PLPP3: variants seen among roughly 807,000 people sequenced by gnomAD.
The protein encoded by PLPP3 is phospholipid phosphatase 3, also known as PAP2 beta.
PLPP3 carries 6 observed loss-of-function variants against 29.6 expected under a neutral mutation model. The observed-to-expected ratio is 0.20, with a 90% CI of 0.11 to 0.40. The LOEUF is 0.40. Ranked by LOEUF, PLPP3 falls within the 10% of genes least tolerant of loss-of-function variation. The pLI is 1.00. For synonymous variants in PLPP3, 152 were observed against 159.7 expected (o/e 0.95, Z 0.36); for missense variants, 308 against 407.7 (o/e 0.76, Z 2.11).
intron 5 of PLPP3, among the ~76,000 whole-genome samples, chr1:56,498,534 C>T (rs1645644562): frequency 6.6e-6 from 1 of 152,112 alleles, no homozygotes; most frequent in Non-Finnish European, 1.5e-5. Flanking sequence ...CTGAGAGGTA[C>T]AGACAACAAT....
In PLPP3 at chr1:56,524,005, T is replaced by C; in HGVS notation, c.576-125A>G. On this transcript the variant is annotated intron_variant, in intron 3 of 5. Coordinates refer to ENST00000371250, the MANE Select transcript of PLPP3 (RefSeq NM_003713.5). The surrounding 1 kb of genome is among the most constrained non-coding windows in gnomAD (Gnocchi z 4.3). The stretch of plus-strand genomic sequence containing the variant: ...GCACTAGGCCCTGTTCATTTTTGCA[T>C]CCTTGGTAGTGCTTTGGACCCATGC... 1 of 1,147,726 alleles carries C rather than the reference T, an allele frequency of 8.7e-7. No homozygotes were observed. The highest frequency in any genetic ancestry group is 1.3e-6 in the Non-Finnish European group (1 of 796,220). The allele number at this position is 1,147,726 out of a possible 1,614,324, so 71.1% of individuals were successfully genotyped here.
chr1:56,499,941 C>T (rs1645656068), intron 5 of PLPP3, among the ~76,000 whole-genome samples: 1 of 152,172 alleles, frequency 6.6e-6, no homozygotes, highest in African/African-American at 2.4e-5. Context: ...GATAAACCCA[C>T]TGCCAGCCCA....
Position 56,522,392 on chromosome 1 carries a change from AAG to A in PLPP3, c.633+1429_633+1430del, listed in dbSNP as rs1557502408. ...AAATGAACACATACCCAGTTCCTCT[AAG>A]CACTTTTATAAAACATCGAAATTAC... On this transcript the variant is annotated intron_variant, in intron 4 of 5. Transcript: ENST00000371250. Among the ~76,000 whole-genome samples, 149 of 152,336 alleles carry A rather than the reference AAG, an allele frequency of 9.8e-4. 2 individuals carry two copies. The South Asian group carries it at 0.019, about 19-fold the overall frequency.
chr1:56,567,524 C>T (rs540189865), intron 1 of PLPP3, among the ~76,000 whole-genome samples: 282 of 150,752 alleles, frequency 1.9e-3, no homozygotes, highest in African/African-American at 6.5e-3. Flanking sequence ...CAGCCTCCCA[C>T]GTAGCTGGGA....
At chr1:56,517,079 T>C (rs945491560) in intron 4 of PLPP3, 3 of 152,244 alleles carry the variant, frequency 2.0e-5, no homozygotes, top group Admixed American at 6.5e-5. Context: ...ATTACATGAT[T>C]TGCATACTGG....
At chr1:56,497,053 C>T (rs1344894185) in intron 5 of PLPP3, among the ~76,000 whole-genome samples, 3 of 152,230 alleles carry the variant, frequency 2.0e-5, no homozygotes, top group Non-Finnish European at 4.4e-5. Context: ...TTAATTCACA[C>T]TACTTTCCCT....
intron 2 of PLPP3, among the ~76,000 whole-genome samples, chr1:56,532,258 C>T (rs1021961486): frequency 4.6e-5 from 7 of 152,144 alleles, no homozygotes; most frequent in African/African-American, 1.4e-4. Context: ...GGGGACAACA[C>T]AGTTGAAGGA....
chr1:56,567,428 C>T (rs11805547), intron 1 of PLPP3, among the ~76,000 whole-genome samples: 10,022 of 117,842 alleles, frequency 0.085, 796 homozygotes, highest in East Asian at 0.25. Flanking sequence ...GATGGAGTCT[C>T]GCTCTGTCAC....
intron 1 of PLPP3, among the ~76,000 whole-genome samples, chr1:56,566,031 G>C (rs1241127147): frequency 1.3e-5 from 2 of 152,220 alleles, no homozygotes; most frequent in Non-Finnish European, 1.5e-5. Context: ...ACAGCATGCT[G>C]ATACTTTGAC....
intron 5 of PLPP3, among the ~76,000 whole-genome samples, chr1:56,508,986 T>C (rs1439193718): frequency 6.6e-6 from 1 of 152,142 alleles, no homozygotes; most frequent in Non-Finnish European, 1.5e-5. Context: ...TCCAAACTTT[T>C]ATTCTCAGTA....
intron 1 of PLPP3, among the ~76,000 whole-genome samples, chr1:56,540,578 T>C (rs748968780): frequency 4.6e-5 from 7 of 152,202 alleles, no homozygotes; most frequent in Non-Finnish European, 1.0e-4. Context: ...GTTCTGATTA[T>C]GTGGATGAAG....
chr1:56,522,620 T>C (rs1171858259), intron 4 of PLPP3, among the ~76,000 whole-genome samples: 1 of 152,152 alleles, frequency 6.6e-6, no homozygotes, highest in African/African-American at 2.4e-5. Context: ...TCCTCGGTAA[T>C]GGGAAGCCAA....
At chr1:56,530,115 T>TC in intron 2 of PLPP3, among the ~76,000 whole-genome samples, 1 of 152,208 alleles carries the variant, frequency 6.6e-6, no homozygotes, top group Non-Finnish European at 1.5e-5. Flanking sequence ...TTACTCTTTT[T>TC]TTTTTTTTTT....
chr1:56,521,133 G>A lies in PLPP3; in HGVS notation c.633+2690C>T, dbSNP rs1056852788. 7.3e-5 allele frequency among the ~76,000 whole-genome samples: 11 copies of A among 150,448 alleles called. No homozygotes were observed. In the South Asian group the frequency reaches 1.9e-3, roughly 26 times the overall value. On this transcript the variant is annotated intron_variant, in intron 4 of 5. Coordinates refer to ENST00000371250, the MANE Select transcript of PLPP3 (RefSeq NM_003713.5). The stretch of plus-strand genomic sequence containing the variant: ...GCCTGTGGTCCCAGCTACTCAGGTG[G>A]CTGAGGTGGAAGGATCACCTGAGTC...
chr1:56,540,153 C>CT (rs1645958427), intron 1 of PLPP3, among the ~76,000 whole-genome samples: 1 of 152,132 alleles, frequency 6.6e-6, no homozygotes, highest in Non-Finnish European at 1.5e-5. Flanking sequence ...CCAAAACTCC[C>CT]TTTCTCATCT....
chr1:56,563,247 G>A (rs1646142105), intron 1 of PLPP3, among the ~76,000 whole-genome samples: 1 of 152,188 alleles, frequency 6.6e-6, no homozygotes, highest in Admixed American at 6.5e-5. Context: ...AGGAAAGGGA[G>A]AAAAGACCTA....
Position 56,529,528 on chromosome 1 carries a change from C to T in PLPP3, c.298-4974G>A, listed in dbSNP as rs1192859481. ...CAACAAACTGTTGATGATGGAGAAT[C>T]GTGAAGGGAGAATCACATTTCTCAC... On this transcript the variant is annotated intron_variant, in intron 2 of 5. Coordinates refer to ENST00000371250, the MANE Select transcript of PLPP3 (RefSeq NM_003713.5). Among the ~76,000 whole-genome samples the T allele has an allele frequency of 7.9e-5, 12 of 152,218 alleles. No homozygotes were observed. The East Asian group carries it at 1.9e-3, about 24-fold the overall frequency.
chr1:56,516,666 G>A (rs537287719), intron 4 of PLPP3, among the ~76,000 whole-genome samples: 159 of 151,812 alleles, frequency 1.0e-3, no homozygotes, highest in African/African-American at 3.7e-3. Context: ...CAATGACACC[G>A]CAGAAAGTGA....
intron 1 of PLPP3, among the ~76,000 whole-genome samples, chr1:56,560,832 C>CTTTTT (rs397860682): frequency 9.0e-5 from 8 of 89,368 alleles, no homozygotes; most frequent in African/African-American, 1.6e-4. Context: ...ATTCAGAGTC[C>CTTTTT]TTTTTTTTTT....
Sources: allele counts gnomAD v4.1 joint callset (sites outside exome capture counted in the v4.1 genomes callset), GRCh38; gene constraint gnomAD v4.1.1; non-coding constraint Gnocchi (gnomAD v3.1); transcripts MANE v1.5; gene names NCBI Gene and HGNC (gene_info 2026-07-23, HGNC 2026-07-21).